Variants in GAK observed in about 807,000 individuals in gnomAD.
GAK encodes the protein cyclin-G-associated kinase.
GAK carries 79 observed loss-of-function variants against 143.9 expected under a neutral mutation model. The observed-to-expected ratio is 0.55, with a 90% CI of 0.46 to 0.66. The LOEUF is 0.66. Among genes scored for constraint, GAK ranks in the 30% least tolerant of loss-of-function variants. GAK has a pLI of 0.00. For missense variants in GAK, 1,693 were observed against 1,779.7 expected, an observed-to-expected ratio of 0.95 and a Z score of 0.88; for synonymous variants, 881 against 765.5, an observed-to-expected ratio of 1.15 and a Z score of -2.49.
intron 5 of GAK, among the ~76,000 whole-genome samples, chr4:900,043 G>A (rs1488576883): frequency 6.6e-6 from 1 of 152,258 alleles, no homozygotes; most frequent in Non-Finnish European, 1.5e-5. Context: ...AAAGATCAGC[G>A]ACCCTGGCTC....
intron 10 of GAK, among the ~76,000 whole-genome samples, chr4:889,300 G>T (rs1717186963): frequency 6.6e-6 from 1 of 152,262 alleles, no homozygotes; most frequent in Non-Finnish European, 1.5e-5. Context: ...CTGGGGCTGG[G>T]ACTCTGTCTG....
At chr4:912,874 A>C in intron 2 of GAK, 80 bp from the exon 3 acceptor site, 2 of 1,192,404 alleles carry the variant, frequency 1.7e-6, no homozygotes, top group South Asian at 2.5e-5. Context: ...CTCAGACATA[A>C]GCACGCAACA....
rs562005216 is a variant in GAK, at chr4:865,164, C to T, written c.3124G>A (p.Glu1042Lys). 2.1e-5 allele frequency: 34 copies of T among 1,612,310 alleles called. No individual in the cohort carries two copies. Among genetic ancestry groups the T allele is most frequent in the Admixed American group, 8.3e-5 (5 of 59,974 alleles). ...DLLGGWAAWT[E>K]TAASAVAPTP... is the part of the protein sequence containing the mutation. ...GGGGCCACTGCCGATGCTGCAGTCT[C>T]GGTCCAGGCAGCCCATCCTCCCAGC... The change falls in exon 23 of 28, where the codon GAG becomes AAG. Residue 1042 changes from glutamate (E) to lysine (K), a missense_variant. Around this residue, in one of 2 missense-constraint regions of GAK, gnomAD observed 822 missense variants for 788.7 expected, o/e 1.04. Coordinates refer to ENST00000314167, the MANE Select transcript of GAK (RefSeq NM_005255.4).
At chr4:850,889 T>TG (rs748169956) in intron 26 of GAK, 47 bp downstream of exon 26, 56 of 1,585,996 alleles carry the variant, frequency 3.5e-5, no homozygotes, top group Non-Finnish European at 4.1e-5. Context: ...CCAGGGGCCA[T>TG]GGGTTGAGGC....
intron 1 of GAK, among the ~76,000 whole-genome samples, chr4:921,259 C>G (rs142795912): frequency 6.6e-5 from 10 of 152,158 alleles, no homozygotes; most frequent in Non-Finnish European, 1.5e-4. Context: ...TGCGTCACCA[C>G]GCCCGGCTAA....
chr4:883,663 G>A (rs1018856254), intron 12 of GAK, among the ~76,000 whole-genome samples, 200 bp from the exon 13 acceptor site: 3 of 152,332 alleles, frequency 2.0e-5, no homozygotes, highest in South Asian at 4.1e-4. Context: ...CCAGCCACAC[G>A]CCCATCAGCC....
At chr4:931,331 C>A (rs927449407) in intron 1 of GAK, among the ~76,000 whole-genome samples, 3 of 152,092 alleles carry the variant, frequency 2.0e-5, no homozygotes, top group African/African-American at 7.2e-5. Flanking sequence ...CGGAATCACA[C>A]GAGTAGATGT....
At chr4:914,335 GCC>G (rs1266947319) in intron 1 of GAK, among the ~76,000 whole-genome samples, 5 of 95,914 alleles carry the variant, frequency 5.2e-5, no homozygotes, top group African/African-American at 1.3e-4. Context: ...AGCGTGCCCG[GCC>G]CCACACAAAC....
chr4:849,801 C>T, intron 27 of GAK, 27 bp from the exon 28 acceptor site: 1 of 1,600,864 alleles, frequency 6.2e-7, no homozygotes, highest in South Asian at 1.1e-5. Flanking sequence ...GTGTAAGCGC[C>T]TCTTATAAGC....
intron 5 of GAK, among the ~76,000 whole-genome samples, chr4:900,021 G>A (rs545043075): frequency 1.2e-4 from 18 of 152,382 alleles, no homozygotes; most frequent in Non-Finnish European, 2.4e-4. Context: ...CCCCTCACAG[G>A]ACGCCCAGAG....
intron 1 of GAK, among the ~76,000 whole-genome samples, chr4:925,699 A>G (rs1390025753): frequency 1.3e-5 from 2 of 152,158 alleles, no homozygotes; most frequent in East Asian, 1.9e-4. Context: ...TGCCCCAGAG[A>G]GCACTCCCTC....
intron 12 of GAK, 64 bp from the exon 13 acceptor site, chr4:883,527 C>T (rs964638410): frequency 3.1e-5 from 49 of 1,576,050 alleles, no homozygotes; most frequent in Middle Eastern, 1.7e-4. Context: ...GCTGCTGCTG[C>T]GGCCTCGCTG....
chr4:932,048 G>C lies in GAK; in HGVS notation c.140C>G (p.Ala47Gly). 1 of 1,582,672 alleles carries C rather than the reference G, an allele frequency of 6.3e-7. No individual in the cohort carries two copies. Among genetic ancestry groups the C allele is most frequent in the Non-Finnish European group, 8.6e-7 (1 of 1,166,266 alleles). The change falls in exon 1 of 28, where the codon GCC (alanine) becomes GGC (glycine). Residue 47 changes from alanine (A) to glycine (G), a missense_variant. Ala to Gly is a moderately conservative substitution (Grantham distance 60, BLOSUM62 0). Coordinates refer to ENST00000314167, the MANE Select transcript of GAK (RefSeq NM_005255.4). The surrounding 1 kb of genome is among the most constrained non-coding windows in gnomAD (Gnocchi z 4.0). ...ELRLRVRRVL[A>G]EGGFAFVYEA... is the part of the protein sequence containing the mutation. ...CTGCCGACCCGGGGCCTCACCTTCG[G>C]CCAGGACCCGCCGCACCCGCAGCCG...
chr4:894,052 C>G, intron 7 of GAK, 43 bp from the exon 8 acceptor site: 1 of 1,515,716 alleles, frequency 6.6e-7, no homozygotes, highest in Non-Finnish European at 8.9e-7. Context: ...ACGGGGAGCG[C>G]AGGGGTGACG....
At chr4:930,511 G>C (rs924904959) in intron 1 of GAK, among the ~76,000 whole-genome samples, 1 of 149,892 alleles carries the variant, frequency 6.7e-6, no homozygotes, top group Non-Finnish European at 1.5e-5. Flanking sequence ...GCCATCTTCT[G>C]CTTGGCCCCT....
chr4:920,500 G>C (rs545969002), intron 1 of GAK, among the ~76,000 whole-genome samples: 2 of 150,280 alleles, frequency 1.3e-5, no homozygotes, highest in African/African-American at 2.5e-5. Flanking sequence ...AGAATATTGC[G>C]ACATTATTCT....
At chr4:851,539 A>G (rs992560787) in intron 25 of GAK, 1 of 606,378 alleles carries the variant, frequency 1.6e-6, no homozygotes, top group Non-Finnish European at 2.9e-6. Context: ...AAACAGGTCA[A>G]GAAGGTGTCA....
intron 5 of GAK, among the ~76,000 whole-genome samples, chr4:900,936 C>T (rs980909393): frequency 2.0e-5 from 3 of 152,200 alleles, no homozygotes; most frequent in Admixed American, 2.0e-4. Context: ...CAGGAGCAGG[C>T]TCTATGGCGG....
chr4:862,952 G>C (rs1482619384), intron 23 of GAK, among the ~76,000 whole-genome samples: 1 of 152,192 alleles, frequency 6.6e-6, no homozygotes, highest in Non-Finnish European at 1.5e-5. Flanking sequence ...GAGTCGTGTC[G>C]ACTTCCAAGT....
Sources: allele counts gnomAD v4.1 joint callset (sites outside exome capture counted in the v4.1 genomes callset), GRCh38; gene constraint gnomAD v4.1.1; regional missense constraint gnomAD v4.1.1; non-coding constraint Gnocchi (gnomAD v3.1); transcripts MANE v1.5; gene names NCBI Gene and HGNC (gene_info 2026-07-23, HGNC 2026-07-21).